RAB38: variants seen among roughly 807,000 people sequenced by gnomAD.
The protein encoded by RAB38 is ras-related protein Rab-38.
Under a neutral mutation model 18.4 loss-of-function variants are expected in RAB38, and 15 were observed. That is an observed-to-expected ratio of 0.82 (90% CI 0.55 to 1.26). RAB38 has a LOEUF of 1.26. RAB38 is among the 50% of genes most tolerant of loss of function. The pLI is 0.00. For missense variants in RAB38, 294 were observed against 267.4 expected (o/e 1.10, Z -0.69); for synonymous variants, 101 against 104.4 (o/e 0.97, Z 0.20).
chr11:88,064,268 G>A, the RAB38 span, among the ~76,000 whole-genome samples: 3 of 152,206 alleles, frequency 2.0e-5, no homozygotes, highest in East Asian at 1.9e-4. Context: ...GTAGCTAAAT[G>A]TTCACAAGTT....
chr11:87,846,511 TAAC>T, the RAB38 span, among the ~76,000 whole-genome samples: 1 of 152,004 alleles, frequency 6.6e-6, no homozygotes, highest in Admixed American at 6.6e-5. Flanking sequence ...CATTTTATAA[TAAC>T]AATAGAAATA....
the RAB38 span, among the ~76,000 whole-genome samples, chr11:87,945,125 G>A: frequency 2.6e-5 from 4 of 152,206 alleles, no homozygotes; most frequent in South Asian, 8.3e-4. Context: ...TATAAAACTA[G>A]AATAATACAC....
chr11:88,041,812 T>A, the RAB38 span, among the ~76,000 whole-genome samples: 1 of 152,122 alleles, frequency 6.6e-6, no homozygotes. Flanking sequence ...ATACCACTGC[T>A]GACTTCCCTC....
At chr11:87,953,061 CATT>C in the RAB38 span, among the ~76,000 whole-genome samples, 6,030 of 148,776 alleles carry the variant, frequency 0.041, 126 homozygotes, top group Middle Eastern at 0.086. Context: ...GTAAATATGT[CATT>C]ATTTATTTAC....
At chr11:87,972,497 T>C in the RAB38 span, among the ~76,000 whole-genome samples, 1 of 147,302 alleles carries the variant, frequency 6.8e-6, no homozygotes, top group Admixed American at 7.0e-5. Context: ...AAACATATGC[T>C]TGCTCCAATT....
the RAB38 span, among the ~76,000 whole-genome samples, chr11:88,023,920 A>G: frequency 6.6e-6 from 1 of 152,216 alleles, no homozygotes; most frequent in Admixed American, 6.5e-5. Context: ...ACTGAAATCT[A>G]AGACCTCAAA....
intron 2 of RAB38, among the ~76,000 whole-genome samples, chr11:88,118,146 C>G (rs1379775669): frequency 6.6e-6 from 1 of 152,202 alleles, no homozygotes; most frequent in Admixed American, 6.5e-5. Context: ...CAGCTCCCCC[C>G]CAAATATATC....
chr11:88,166,169 G>A (rs1206666106), intron 1 of RAB38: 1 of 152,090 alleles, frequency 6.6e-6, no homozygotes, highest in Non-Finnish European at 1.5e-5. Context: ...ATAGCAAGGA[G>A]TTCAAATGGT....
At chr11:88,107,186 T>C in the RAB38 span, among the ~76,000 whole-genome samples, 288 of 152,258 alleles carry the variant, frequency 1.9e-3, 1 homozygote, top group African/African-American at 6.5e-3. Context: ...ATTCAGTGGA[T>C]TTTAGTATAT....
chr11:87,900,995 C>T, the RAB38 span, among the ~76,000 whole-genome samples: 1 of 151,670 alleles, frequency 6.6e-6, no homozygotes, highest in East Asian at 2.0e-4. Context: ...CTGGAACTCT[C>T]ATTCCATTTT....
chr11:87,811,597 C>T, the RAB38 span, among the ~76,000 whole-genome samples: 1 of 152,114 alleles, frequency 6.6e-6, no homozygotes, highest in Non-Finnish European at 1.5e-5. Flanking sequence ...GCTGTAGAAT[C>T]TTTCAGGGGC....
the RAB38 span, among the ~76,000 whole-genome samples, chr11:87,936,032 ATTCT>A: frequency 6.6e-6 from 1 of 152,050 alleles, no homozygotes; most frequent in Non-Finnish European, 1.5e-5. Context: ...AGTTTTGAGA[ATTCT>A]TTATTATAAA....
chr11:87,854,727 G>C, the RAB38 span, among the ~76,000 whole-genome samples: 2 of 152,118 alleles, frequency 1.3e-5, no homozygotes, highest in African/African-American at 4.8e-5. Flanking sequence ...GTAAAAACCA[G>C]ACAGTGCAGA....
At chr11:88,159,102 G>A (rs888028417) in intron 1 of RAB38, among the ~76,000 whole-genome samples, 3 of 151,524 alleles carry the variant, frequency 2.0e-5, no homozygotes, top group Non-Finnish European at 2.9e-5. Context: ...ATTTTGGGAT[G>A]CAAAAATCAA....
At chr11:88,071,476 C>T in the RAB38 span, among the ~76,000 whole-genome samples, 149 of 152,294 alleles carry the variant, frequency 9.8e-4, 1 homozygote, top group Non-Finnish European at 1.8e-3. Flanking sequence ...TGCACCAATG[C>T]AAAACAGAGT....
the RAB38 span, among the ~76,000 whole-genome samples, chr11:87,840,244 G>GT: frequency 4.1e-3 from 623 of 152,298 alleles, 1 homozygote; most frequent in African/African-American, 0.014. Context: ...GCTTACTGAA[G>GT]TTTTTTGGCA....
At chr11:88,071,868 C>T in the RAB38 span, among the ~76,000 whole-genome samples, 3 of 152,314 alleles carry the variant, frequency 2.0e-5, no homozygotes, top group East Asian at 5.8e-4. Context: ...TTTGAAAGCT[C>T]TGGTGTATTG....
At chr11:88,173,607 T>A in intron 1 of RAB38, 3 of 985,360 alleles carry the variant, frequency 3.0e-6, no homozygotes, top group Non-Finnish European at 3.6e-6. Context: ...TACAGCTACA[T>A]CCCCGTTTAA....
chr11:88,032,385 C>G, the RAB38 span, among the ~76,000 whole-genome samples: 1 of 152,176 alleles, frequency 6.6e-6, no homozygotes, highest in African/African-American at 2.4e-5. Context: ...CAAATGGGAT[C>G]TAATTAAACT....
Sources: allele counts gnomAD v4.1 joint callset (sites outside exome capture counted in the v4.1 genomes callset), GRCh38; gene constraint gnomAD v4.1.1; transcripts MANE v1.5; gene names NCBI Gene and HGNC (gene_info 2026-07-23, HGNC 2026-07-21).